Variants in SLC22A25 observed in about 807,000 individuals in gnomAD.
SLC22A25 encodes solute carrier family 22 member 25, also known as MGI:2442751, MGI:2385316, MGI:3042283, MGI:3645714, MGI:3605624, MGI:2442750.
A neutral mutation model predicts 45.9 loss-of-function variants in SLC22A25; 44 were observed. The observed-to-expected ratio is 0.96, with a 90% confidence interval of 0.75 to 1.23. The LOEUF is 1.23. SLC22A25 is among the 50% of genes most tolerant of loss of function. The pLI, the probability that SLC22A25 is intolerant of heterozygous loss-of-function variation, is 0.00. For synonymous variants in SLC22A25, 283 were observed against 238.6 expected (o/e 1.19, Z -1.72); for missense variants, 800 against 666.4 (o/e 1.20, Z -2.21).
chr11:63,187,030 T>C (rs2088581885), intron 7 of SLC22A25, among the ~76,000 whole-genome samples: 2 of 152,202 alleles, frequency 1.3e-5, no homozygotes, highest in Non-Finnish European at 2.9e-5. Flanking sequence ...CAATGTGGGC[T>C]CTTTTTTGGT....
intron 3 of SLC22A25, among the ~76,000 whole-genome samples, chr11:63,232,448 G>A (rs2090087144): frequency 6.6e-6 from 1 of 152,162 alleles, no homozygotes; most frequent in Non-Finnish European, 1.5e-5. Context: ...TGCTATTGGT[G>A]TATAAGAATG....
chr11:63,163,927 A>C lies in SLC22A25; in HGVS notation c.1541T>G (p.Leu514Arg). The stretch of plus-strand genomic sequence containing the variant: ...AGGCTGGTTCCTGGTTTCAGGAAGG[A>C]GGAGGACAACAAGGCCAGAGAGGAT... ...FAILSGLVVLLLPETRNQPLL... is the reference protein window; with the variant it reads ...FAILSGLVVLRLPETRNQPLL... The change falls in exon 12 of 12, where the codon CTC becomes CGC. Residue 514 changes from leucine to arginine, a missense_variant. Coordinates refer to ENST00000306494, the MANE Select transcript of SLC22A25 (RefSeq NM_199352.6). 1 of 1,613,920 alleles carries C rather than the reference A, an allele frequency of 6.2e-7. No homozygotes were observed. Among genetic ancestry groups the C allele is most frequent in the South Asian group, 1.1e-5 (1 of 91,058 alleles).
chr11:63,166,744 G>A, intron 9 of SLC22A25: 1 of 987,116 alleles, frequency 1.0e-6, no homozygotes, highest in South Asian at 4.7e-5. Context: ...TATATTCATG[G>A]CATTCATTCT....
At chr11:63,189,478 T>C (rs942112737) in intron 7 of SLC22A25, among the ~76,000 whole-genome samples, 3 of 152,248 alleles carry the variant, frequency 2.0e-5, no homozygotes, top group African/African-American at 7.2e-5. Flanking sequence ...AGCACATTGA[T>C]GGGTCTTGAC....
chr11:63,239,440 T>A (rs2090213654), intron 1 of SLC22A25, among the ~76,000 whole-genome samples: 1 of 152,232 alleles, frequency 6.6e-6, no homozygotes. Context: ...CAACCTTTGA[T>A]CTCCACATTT....
intron 7 of SLC22A25, among the ~76,000 whole-genome samples, chr11:63,213,680 GC>G (rs1565109374): frequency 6.6e-6 from 1 of 152,126 alleles, no homozygotes; most frequent in Non-Finnish European, 1.5e-5. Context: ...CAGCTACCCT[GC>G]TGTCTGTGGA....
Position 63,205,548 on chromosome 11 carries a change from A to G in SLC22A25, c.830+11766T>C, listed in dbSNP as rs544933811. Among the ~76,000 whole-genome samples the G allele has an allele frequency of 2.6e-5, 4 of 152,330 alleles. No homozygotes were observed. In the South Asian group the frequency reaches 8.3e-4, roughly 32 times the overall value. On this transcript the variant is annotated intron_variant, in intron 7 of 11. Coordinates refer to ENST00000306494, the MANE Select transcript of SLC22A25 (RefSeq NM_199352.6). Reference sequence around the variant, plus strand: ...CAACCCTATGCAAATGAAGTAGAAAATCTAGATGAAATGGATAAATTCCTG... The same window carrying G: ...CAACCCTATGCAAATGAAGTAGAAAGTCTAGATGAAATGGATAAATTCCTG...
intron 9 of SLC22A25, among the ~76,000 whole-genome samples, chr11:63,171,068 G>C (rs115263233): frequency 6.6e-6 from 1 of 152,114 alleles, no homozygotes; most frequent in Non-Finnish European, 1.5e-5. Flanking sequence ...ATAGCCACAC[G>C]ATTATCTCAA....
At chr11:63,217,214 T>C in intron 7 of SLC22A25, 100 bp downstream of exon 7, 2 of 1,361,556 alleles carry the variant, frequency 1.5e-6, no homozygotes, top group Non-Finnish European at 2.0e-6. Context: ...GAGAATGTAC[T>C]CAAGGCTAGA....
intron 5 of SLC22A25, among the ~76,000 whole-genome samples, chr11:63,219,642 T>A (rs2089803847): frequency 6.6e-6 from 1 of 152,162 alleles, no homozygotes; most frequent in Non-Finnish European, 1.5e-5. Flanking sequence ...ATCATGGCTG[T>A]CTCTGCATAT....
intron 7 of SLC22A25, among the ~76,000 whole-genome samples, chr11:63,212,782 C>A (rs984900614): frequency 6.7e-6 from 1 of 149,592 alleles, no homozygotes; most frequent in Admixed American, 6.8e-5. Flanking sequence ...TGTACATGTA[C>A]CCTAAAACTT....
At chr11:63,224,301 C>T (rs543418528) in intron 5 of SLC22A25, among the ~76,000 whole-genome samples, 2 of 151,914 alleles carry the variant, frequency 1.3e-5, no homozygotes, top group South Asian at 4.2e-4. Context: ...TTTTTCCATC[C>T]CTTTATTTTC....
rs1473415711 is a variant in SLC22A25 at position 63,162,449 on chromosome 11, TGA to T, written c.*1373_*1374del. The stretch of plus-strand genomic sequence containing the variant: ...ATTTTGATTTGATTTTTGTATATGG[TGA>T]GAGAGTTCTAGTTTTATTCTTCTGC... On this transcript the variant is annotated 3_prime_UTR_variant, in exon 12 of 12. Transcript: ENST00000306494. Among the ~76,000 whole-genome samples the T allele has an allele frequency of 3.3e-5, 5 of 152,182 alleles. No individual in the cohort carries two copies. Among genetic ancestry groups the T allele is most frequent in the African/African-American group, 1.2e-4 (5 of 41,448 alleles).
intron 5 of SLC22A25, among the ~76,000 whole-genome samples, chr11:63,223,248 G>T (rs1354123126): frequency 1.3e-5 from 2 of 151,968 alleles, no homozygotes; most frequent in Non-Finnish European, 2.9e-5. Context: ...GAAGTCATCA[G>T]GTCCCAGGCT....
chr11:63,193,175 G>T (rs1182882832), intron 7 of SLC22A25, among the ~76,000 whole-genome samples: 1 of 152,104 alleles, frequency 6.6e-6, no homozygotes, highest in Non-Finnish European at 1.5e-5. Context: ...CAAGACAAGA[G>T]ATTGTTCCAA....
intron 4 of SLC22A25, 111 bp from the exon 5 acceptor site, chr11:63,228,675 C>A: frequency 1.3e-6 from 1 of 758,826 alleles, no homozygotes; most frequent in East Asian, 2.7e-5. Context: ...CCTAGCTTCC[C>A]TTTTCTGCAT....
At chr11:63,187,169 AC>A (rs1283109294) in intron 7 of SLC22A25, among the ~76,000 whole-genome samples, 1 of 152,060 alleles carries the variant, frequency 6.6e-6, no homozygotes, top group Non-Finnish European at 1.5e-5. Flanking sequence ...GAATCTTCCT[AC>A]CCATGAGCAT....
At chr11:63,166,985 T>G (rs2087706983) in intron 9 of SLC22A25, 1 of 457,672 alleles carries the variant, frequency 2.2e-6, no homozygotes, top group Admixed American at 6.4e-5. Flanking sequence ...ACCCGGTTCA[T>G]CTCACTGGGA....
intron 9 of SLC22A25, among the ~76,000 whole-genome samples, chr11:63,175,088 G>A (rs891960158): frequency 5.9e-5 from 9 of 152,050 alleles, no homozygotes; most frequent in Non-Finnish European, 1.5e-5. Context: ...ATGAACATGG[G>A]AGTGCAAATA....
Sources: allele counts gnomAD v4.1 joint callset (sites outside exome capture counted in the v4.1 genomes callset), GRCh38; gene constraint gnomAD v4.1.1; transcripts MANE v1.5; gene names NCBI Gene and HGNC (gene_info 2026-07-23, HGNC 2026-07-21).